Variants in UBAC2 observed in about 807,000 individuals in gnomAD.
UBAC2 encodes the protein UBA domain containing 2.
UBAC2 carries 26 observed loss-of-function variants against 44.0 expected under a neutral mutation model. The ratio of observed to expected loss-of-function variants is 0.59; its 90% CI spans 0.43 to 0.82. The LOEUF is 0.82. Ranked by LOEUF, UBAC2 falls within the 40% of genes least tolerant of loss-of-function variation. The pLI is 0.00. For synonymous variants in UBAC2, 155 were observed against 154.3 expected, an observed-to-expected ratio of 1.00 and a Z score of -0.04; for missense variants, 329 against 419.4, an observed-to-expected ratio of 0.78 and a Z score of 1.88.
chr13:99,206,268 G>A (rs2042871032), intron 1 of UBAC2, among the ~76,000 whole-genome samples: 1 of 152,188 alleles, frequency 6.6e-6, no homozygotes, highest in African/African-American at 2.4e-5. Context: ...GTGTGAGTGA[G>A]GACTCCAGAG....
intron 4 of UBAC2, among the ~76,000 whole-genome samples, chr13:99,297,054 T>C (rs1324820586): frequency 6.6e-6 from 1 of 152,222 alleles, no homozygotes; most frequent in Non-Finnish European, 1.5e-5. Flanking sequence ...ATAGATATTC[T>C]ACAGTCTTCC....
chr13:99,328,222 T>C (rs908070960), intron 6 of UBAC2, among the ~76,000 whole-genome samples: 1 of 152,252 alleles, frequency 6.6e-6, no homozygotes, highest in African/African-American at 2.4e-5. Flanking sequence ...TAATCTATAG[T>C]ATGGATGCAC....
intron 1 of UBAC2, among the ~76,000 whole-genome samples, chr13:99,213,805 C>T (rs1306999145): frequency 6.6e-6 from 1 of 152,114 alleles, no homozygotes; most frequent in Non-Finnish European, 1.5e-5. Context: ...ATTATAGAAT[C>T]AAAAGATAAG....
intron 1 of UBAC2, among the ~76,000 whole-genome samples, chr13:99,203,774 G>A (rs1346499957): frequency 6.6e-6 from 1 of 152,218 alleles, no homozygotes; most frequent in African/African-American, 2.4e-5. Context: ...GTCACGGAGG[G>A]TAGCCGGGAA....
chr13:99,366,613 A>C (rs1458438706), intron 7 of UBAC2, among the ~76,000 whole-genome samples: 2 of 126,798 alleles, frequency 1.6e-5, no homozygotes, highest in Admixed American at 1.6e-4. Context: ...GGGGGAAGAC[A>C]GGCTTTTTAG....
Position 99,340,477 on chromosome 13 carries a change from A to G in UBAC2, c.719A>G (p.Asp240Gly). ...EARIGMGATL[D>G]IQRQQRMELL... ...AGAATTGGGATGGGAGCCACGCTGGACATCCAGAGACAGCAGAGAATGGAG... is the reference window on the plus strand; with the variant it reads ...AGAATTGGGATGGGAGCCACGCTGGGCATCCAGAGACAGCAGAGAATGGAG... The change falls in exon 7 of 9, where the codon GAC (aspartate) becomes GGC (glycine). Residue 240 changes from aspartate to glycine, a missense_variant. Physicochemically the swap from Asp to Gly is moderately conservative, Grantham distance 94. Coordinates refer to ENST00000403766, the MANE Select transcript of UBAC2 (RefSeq NM_001144072.2). 1 of 1,614,218 alleles carries G rather than the reference A, an allele frequency of 6.2e-7. No individual in the cohort carries two copies. Among genetic ancestry groups the G allele is most frequent in the Non-Finnish European group, 8.5e-7 (1 of 1,180,040 alleles).
At chr13:99,265,801 A>G (rs1053971003) in intron 4 of UBAC2, among the ~76,000 whole-genome samples, 4 of 152,268 alleles carry the variant, frequency 2.6e-5, no homozygotes, top group African/African-American at 9.6e-5. Context: ...ATACAATTAC[A>G]AAGACGTACC....
intron 1 of UBAC2, among the ~76,000 whole-genome samples, chr13:99,211,775 C>T (rs561080581): frequency 3.9e-5 from 6 of 152,218 alleles, no homozygotes; most frequent in Non-Finnish European, 7.3e-5. Context: ...TGTCTCCCAA[C>T]CACTGGGATC....
chr13:99,267,618 C>T (rs2043760556), intron 4 of UBAC2, among the ~76,000 whole-genome samples: 1 of 152,190 alleles, frequency 6.6e-6, no homozygotes, highest in Non-Finnish European at 1.5e-5. Flanking sequence ...CAGAGCCTTC[C>T]ACTTGCTACT....
intron 4 of UBAC2, among the ~76,000 whole-genome samples, chr13:99,268,768 G>A (rs1283548603): frequency 6.6e-6 from 1 of 152,142 alleles, no homozygotes; most frequent in Non-Finnish European, 1.5e-5. Flanking sequence ...ACTGCCAGTT[G>A]ACACTAATAT....
chr13:99,290,066 G>A (rs1400949827), intron 4 of UBAC2, among the ~76,000 whole-genome samples: 2 of 152,144 alleles, frequency 1.3e-5, no homozygotes, highest in African/African-American at 2.4e-5. Context: ...GATGAAGAGT[G>A]CAGACCATGG....
At chr13:99,311,041 G>A (rs1022341933) in intron 4 of UBAC2, among the ~76,000 whole-genome samples, 7 of 152,270 alleles carry the variant, frequency 4.6e-5, no homozygotes, top group East Asian at 1.9e-4. Context: ...AAAACAAAAG[G>A]CAAGTTCTGC....
chr13:99,207,346 T>C (rs577198201), intron 1 of UBAC2, among the ~76,000 whole-genome samples: 2 of 152,342 alleles, frequency 1.3e-5, no homozygotes, highest in African/African-American at 4.8e-5. Flanking sequence ...TTAAGTAGTA[T>C]TAACTGGATC....
intron 7 of UBAC2, among the ~76,000 whole-genome samples, chr13:99,350,492 A>C (rs1279545193): frequency 1.3e-5 from 2 of 152,214 alleles, no homozygotes; most frequent in Admixed American, 1.3e-4. Context: ...TGAAGCTTCC[A>C]TAAAACCCCC....
At chr13:99,244,437 G>A (rs568588199) in intron 3 of UBAC2, 78 bp from the exon 4 acceptor site, 128 of 953,134 alleles carry the variant, frequency 1.3e-4, no homozygotes, top group Non-Finnish European at 1.7e-4. Context: ...ACACCTCTGA[G>A]CTGATTCTAG....
intron 7 of UBAC2, among the ~76,000 whole-genome samples, chr13:99,346,886 G>A (rs1360797263): frequency 6.7e-6 from 1 of 150,300 alleles, no homozygotes; most frequent in Non-Finnish European, 1.5e-5. Flanking sequence ...CCTGGCAGAT[G>A]TTAGGAACTG....
intron 1 of UBAC2, among the ~76,000 whole-genome samples, chr13:99,216,078 ATATT>A (rs1466703174): frequency 9.3e-5 from 8 of 86,352 alleles, no homozygotes; most frequent in East Asian, 7.5e-4. Flanking sequence ...GTACCAACCT[ATATT>A]TGTGTGTGTG....
chr13:99,325,315 G>A (rs1004791472), intron 6 of UBAC2, among the ~76,000 whole-genome samples: 1 of 152,030 alleles, frequency 6.6e-6, no homozygotes, highest in African/African-American at 2.4e-5. Flanking sequence ...GTGTTAGGCA[G>A]GATGGTCTTG....
chr13:99,355,589 C>T (rs1353635291), intron 7 of UBAC2, among the ~76,000 whole-genome samples: 1 of 152,250 alleles, frequency 6.6e-6, no homozygotes, highest in Non-Finnish European at 1.5e-5. Context: ...TTAGCATTCT[C>T]ATTCTCTACC....
Sources: allele counts gnomAD v4.1 joint callset (sites outside exome capture counted in the v4.1 genomes callset), GRCh38; gene constraint gnomAD v4.1.1; transcripts MANE v1.5; gene names NCBI Gene and HGNC (gene_info 2026-07-23, HGNC 2026-07-21).